CDK14: variants seen among roughly 807,000 people sequenced by gnomAD.
The protein encoded by CDK14 is cyclin dependent kinase 14, also known as cyclin-dependent kinase 14.
A neutral mutation model predicts 60.7 loss-of-function variants in CDK14; 34 were observed. The observed-to-expected ratio is 0.56, with a 90% CI of 0.43 to 0.75. CDK14 has a LOEUF of 0.75. Among genes scored for constraint, CDK14 ranks in the 30% least tolerant of loss-of-function variants. The probability of loss-of-function intolerance (pLI) is 0.00; values close to 1 mark genes in which losing one functional copy is unlikely to be tolerated. For missense variants in CDK14, 482 were observed against 564.1 expected, an observed-to-expected ratio of 0.85 and a Z score of 1.47; for synonymous variants, 197 against 203.7, an observed-to-expected ratio of 0.97 and a Z score of 0.28.
chr7:90,866,215 AATACACACACATACAC>A (rs1791174969), intron 6 of CDK14, among the ~76,000 whole-genome samples: 1 of 128,556 alleles, frequency 7.8e-6, no homozygotes, highest in Admixed American at 8.2e-5. Flanking sequence ...GGTCTTCTGA[AATACACACACATACAC>A]ATACACACAC....
chr7:90,853,312 G>A (rs1790710470), intron 5 of CDK14, among the ~76,000 whole-genome samples: 1 of 152,080 alleles, frequency 6.6e-6, no homozygotes, highest in South Asian at 2.1e-4. Context: ...CAAATTTTCA[G>A]AATGAAGAAT....
intron 2 of CDK14, among the ~76,000 whole-genome samples, chr7:90,659,844 T>TCTCTCC (rs1800827829): frequency 8.4e-6 from 1 of 118,770 alleles, no homozygotes; most frequent in Non-Finnish European, 1.7e-5. Flanking sequence ...TGCTTCTCTC[T>TCTCTCC]CTCTCTCTCT....
At chr7:90,911,299 T>C (rs1044450987) in intron 7 of CDK14, among the ~76,000 whole-genome samples, 1 of 152,210 alleles carries the variant, frequency 6.6e-6, no homozygotes, top group Non-Finnish European at 1.5e-5. Flanking sequence ...AATTTAACAA[T>C]GTGAAATGGT....
intron 2 of CDK14, among the ~76,000 whole-genome samples, chr7:90,672,502 G>GTTTTTTTTTTTTTTTTTTTTTT (rs201978996): frequency 2.0e-5 from 1 of 49,984 alleles, no homozygotes. Context: ...TTCTTCTTCT[G>GTTTTTTTTTTTTTTTTTTTTTT]TTTTTTTTTT....
At chr7:90,633,432 G>A (rs909389432) in intron 2 of CDK14, among the ~76,000 whole-genome samples, 1 of 152,164 alleles carries the variant, frequency 6.6e-6, no homozygotes, top group Admixed American at 6.5e-5. Context: ...ATTTGGGTCA[G>A]TGGTGTTAAC....
intron 6 of CDK14, among the ~76,000 whole-genome samples, chr7:90,898,924 G>C (rs547946666): frequency 4.9e-4 from 75 of 151,878 alleles, no homozygotes; most frequent in Middle Eastern, 6.8e-3. Context: ...ATTTGCATTT[G>C]CACTTGGAAA....
At chr7:91,168,260 C>CA (rs35827575) in intron 14 of CDK14, among the ~76,000 whole-genome samples, 66,568 of 123,518 alleles carry the variant, frequency 0.54, 18,262 homozygotes, top group East Asian at 0.9. Flanking sequence ...GACTCTGTCT[C>CA]AAAAAAAAAA....
intron 5 of CDK14, among the ~76,000 whole-genome samples, chr7:90,855,387 T>C (rs1206085017): frequency 6.6e-6 from 1 of 152,228 alleles, no homozygotes; most frequent in East Asian, 1.9e-4. Flanking sequence ...TTTTATTTAA[T>C]AGTGTTGTTT....
At chr7:90,657,510 A>C (rs1015349794) in intron 2 of CDK14, among the ~76,000 whole-genome samples, 1 of 152,194 alleles carries the variant, frequency 6.6e-6, no homozygotes, top group African/African-American at 2.4e-5. Flanking sequence ...GATGTTCTAG[A>C]TCTATATAAA....
At chr7:91,098,016 G>A (rs1799046540) in intron 12 of CDK14, among the ~76,000 whole-genome samples, 1 of 152,198 alleles carries the variant, frequency 6.6e-6, no homozygotes, top group African/African-American at 2.4e-5. Flanking sequence ...CCTTGTAGGA[G>A]TGGAAAGCAT....
At chr7:91,155,558 C>T (rs2115711389) in intron 14 of CDK14, among the ~76,000 whole-genome samples, 2 of 152,280 alleles carry the variant, frequency 1.3e-5, no homozygotes, top group South Asian at 4.2e-4. Flanking sequence ...GTTAGTTCTC[C>T]AACTCACAGT....
chr7:90,655,330 T>C (rs944355223), intron 2 of CDK14, among the ~76,000 whole-genome samples: 1 of 152,154 alleles, frequency 6.6e-6, no homozygotes, highest in Non-Finnish European at 1.5e-5. Context: ...TAGTGCAGGA[T>C]TGTGTTTGGA....
intron 5 of CDK14, among the ~76,000 whole-genome samples, chr7:90,862,699 C>G (rs143885114): frequency 6.6e-6 from 1 of 152,228 alleles, no homozygotes; most frequent in East Asian, 1.9e-4. Context: ...CACCCAACAT[C>G]AGCAGAATTC....
intron 7 of CDK14, among the ~76,000 whole-genome samples, chr7:90,903,129 G>A (rs902946950): frequency 1.2e-4 from 19 of 152,140 alleles, no homozygotes; most frequent in Admixed American, 6.6e-5. Flanking sequence ...GTCATACACT[G>A]TGGGAATATA....
intron 9 of CDK14, among the ~76,000 whole-genome samples, chr7:90,975,103 CAT>C (rs969938700): frequency 5.3e-5 from 8 of 152,136 alleles, no homozygotes; most frequent in African/African-American, 1.7e-4. Context: ...GGGGACCTAA[CAT>C]AGCCTGAGAG....
At position 91,113,848 on chromosome 7, in the gene CDK14, CT is replaced by C. The variant is rs922305838; in HGVS notation, c.1294+1175del. 5.3e-5 allele frequency among the ~76,000 whole-genome samples: 8 copies of C among 151,890 alleles called. No individual in the cohort carries two copies. The East Asian group carries it at 5.8e-4, about 11-fold the overall frequency. The stretch of plus-strand genomic sequence containing the variant: ...GATATCCCACATTTATTTCTCATTA[CT>C]TTTTTTTAACCCTAAAGTCACTATA... On this transcript the variant is annotated intron_variant, in intron 13 of 14. Coordinates refer to ENST00000380050, the MANE Select transcript of CDK14 (RefSeq NM_001287135.2).
intron 6 of CDK14, among the ~76,000 whole-genome samples, chr7:90,866,427 C>G (rs1319684853): frequency 6.6e-6 from 1 of 151,910 alleles, no homozygotes; most frequent in Non-Finnish European, 1.5e-5. Context: ...TTCATTGTAC[C>G]CTTTTTTGAG....
chr7:90,907,272 T>C (rs1792738642), intron 7 of CDK14, among the ~76,000 whole-genome samples: 2 of 152,038 alleles, frequency 1.3e-5, no homozygotes, highest in South Asian at 4.1e-4. Flanking sequence ...GGGTTTGAGC[T>C]ATCATAGTTG....
chr7:90,698,727 TTGA>T (rs1801717772), intron 2 of CDK14, among the ~76,000 whole-genome samples: 1 of 152,240 alleles, frequency 6.6e-6, no homozygotes, highest in Non-Finnish European at 1.5e-5. Flanking sequence ...AAATTGACTC[TTGA>T]TGAGTGTTCC....
Sources: allele counts gnomAD v4.1 joint callset (sites outside exome capture counted in the v4.1 genomes callset), GRCh38; gene constraint gnomAD v4.1.1; transcripts MANE v1.5; gene names NCBI Gene and HGNC (gene_info 2026-07-23, HGNC 2026-07-21).